Variants in CASP10 observed in about 807,000 individuals in gnomAD.
The protein encoded by CASP10 is caspase-10.
A neutral mutation model predicts 48.5 loss-of-function variants in CASP10; 41 were observed. The observed-to-expected ratio is 0.85, with a 90% CI of 0.66 to 1.10. CASP10 has a LOEUF of 1.10. Ranked by LOEUF, CASP10 falls within the 50% of genes least tolerant of loss-of-function variation. The pLI is 0.00. For missense variants in CASP10, 614 were observed against 614.5 expected (o/e 1.00, Z 0.01); for synonymous variants, 232 against 238.4 (o/e 0.97, Z 0.25).
intron 8 of CASP10, among the ~76,000 whole-genome samples, chr2:201,208,856 T>A (rs1223721253): frequency 6.6e-6 from 1 of 152,066 alleles, no homozygotes; most frequent in Non-Finnish European, 1.5e-5. Flanking sequence ...TTTTTGTATT[T>A]TCAGTAGAGA....
chr2:201,183,997 G>A (rs1318461890), intron 1 of CASP10, among the ~76,000 whole-genome samples: 1 of 151,766 alleles, frequency 6.6e-6, no homozygotes, highest in Non-Finnish European at 1.5e-5. Context: ...CCAGGTTCAA[G>A]CAATCCTCCC....
At chr2:201,208,313 C>T in intron 8 of CASP10, 130 bp downstream of exon 8, 1 of 1,425,634 alleles carries the variant, frequency 7.0e-7, no homozygotes, top group South Asian at 1.5e-5. Context: ...TTCTGAGCCT[C>T]TTATATATCC....
chr2:201,200,443 G>C (rs1353101634), intron 5 of CASP10: 1 of 1,598,212 alleles, frequency 6.3e-7, no homozygotes, highest in East Asian at 2.2e-5. Flanking sequence ...TTCTCCCCAG[G>C]AAGGTGTTTT....
At position 201,218,979 on chromosome 2, in the gene CASP10, T is replaced by G. The variant is rs1409003925; in HGVS notation, c.*1238T>G. 5.1e-6 allele frequency: 5 copies of G among 985,304 alleles called. No individual in the cohort carries two copies. In the Admixed American group the frequency reaches 3.1e-4, roughly 61 times the overall value. 61.0% of individuals were successfully genotyped at this position (985,304 alleles called of 1,614,324 possible). A position where few individuals can be genotyped will look rare whatever the true frequency, so the allele number is the denominator to read the frequency against. ...GAAACTTTACAACCTGATGTCATAT[T>G]CCATTTTGGACTGGGTGCGGTGACT... On this transcript the variant is annotated 3_prime_UTR_variant, in exon 10 of 10. Transcript: ENST00000286186.
At chr2:201,194,177 C>T (rs1249977443) in intron 4 of CASP10, among the ~76,000 whole-genome samples, 1 of 151,916 alleles carries the variant, frequency 6.6e-6, no homozygotes, top group African/African-American at 2.4e-5. Context: ...CAGATAGAAG[C>T]ACAGGGCAAA....
At chr2:201,206,338 T>A (rs1276199055) in intron 7 of CASP10, 4 of 189,422 alleles carry the variant, frequency 2.1e-5, no homozygotes, top group Non-Finnish European at 4.4e-5. Context: ...TGATTTTAGC[T>A]GCCCAGAGGC....
intron 9 of CASP10, among the ~76,000 whole-genome samples, chr2:201,216,158 A>T (rs974440596): frequency 1.3e-5 from 2 of 149,796 alleles, no homozygotes; most frequent in African/African-American, 4.9e-5. Flanking sequence ...TTATTTAATA[A>T]TTTTATTATT....
chr2:201,208,410 G>A (rs1945281047), intron 8 of CASP10: 1 of 983,322 alleles, frequency 1.0e-6, no homozygotes, highest in Non-Finnish European at 1.2e-6. Context: ...CTGGGGGAGA[G>A]CCTGCTGGAT....
chr2:201,200,575 G>C (rs1169730197), intron 5 of CASP10: 7 of 1,579,518 alleles, frequency 4.4e-6, no homozygotes, highest in Non-Finnish European at 6.0e-6. Flanking sequence ...ATGACACAGA[G>C]CCGGGAGAGG....
At chr2:201,200,964 G>A (rs1350693801) in intron 5 of CASP10, among the ~76,000 whole-genome samples, 2 of 151,998 alleles carry the variant, frequency 1.3e-5, no homozygotes, top group African/African-American at 4.8e-5. Flanking sequence ...AACATTTATG[G>A]GCCAACTCCC....
chr2:201,203,874 A>G (rs1945113310), intron 6 of CASP10, 108 bp downstream of exon 6: 7 of 885,866 alleles, frequency 7.9e-6, no homozygotes, highest in Non-Finnish European at 1.1e-5. Context: ...AGCTTTATAA[A>G]TAATGAATAA....
chr2:201,218,891 G>T lies in CASP10; in HGVS notation c.*1150G>T. 1 of 985,408 alleles carries T rather than the reference G, an allele frequency of 1.0e-6. No individual in the cohort carries two copies. Among genetic ancestry groups the T allele is most frequent in the Non-Finnish European group, 1.2e-6 (1 of 829,940 alleles). The allele number at this position is 985,408 out of a possible 1,614,324, so 61.0% of individuals were successfully genotyped here. On this transcript the variant is annotated 3_prime_UTR_variant, in exon 10 of 10. Coordinates refer to ENST00000286186, the MANE Select transcript of CASP10 (RefSeq NM_032977.4). ...TGCTCACATAGGAAGTTTTTATTTG[G>T]TTAGAGACAGGTTTCCCTGTAGGAA...
chr2:201,193,070 A>G lies in CASP10; in HGVS notation c.528A>G (p.Thr176=). ...NLTCLEDLCK[T]VVPKLLRNIE... is the part of the protein sequence containing the mutation. ...CATGCCTGGAGGACCTCTGCAAAAC[A>G]GTTGTACCTAAACTTTTGAGAAACA... The change falls in exon 4 of 10, where the codon ACA becomes ACG. Residue 176 remains threonine (T), a synonymous_variant. Coordinates refer to ENST00000286186, the MANE Select transcript of CASP10 (RefSeq NM_032977.4). The G allele has an allele frequency of 6.2e-7, 1 of 1,613,992 alleles. No individual in the cohort carries two copies. Among genetic ancestry groups the G allele is most frequent in the Non-Finnish European group, 8.5e-7 (1 of 1,179,872 alleles).
At chr2:201,206,016 T>G in intron 7 of CASP10, 43 bp downstream of exon 7, 1 of 1,316,966 alleles carries the variant, frequency 7.6e-7, no homozygotes, top group South Asian at 1.2e-5. Context: ...AAAAAAATTT[T>G]TTTTCCAAAT....
chr2:201,223,214 G>T (rs775945018), downstream of CASP10, among the ~76,000 whole-genome samples: 1 of 152,170 alleles, frequency 6.6e-6, no homozygotes, highest in Admixed American at 6.5e-5. Context: ...GTGGATGGGC[G>T]TCTGTAGCTG....
chr2:201,210,251 T>C (rs1945351684), intron 9 of CASP10, among the ~76,000 whole-genome samples: 1 of 152,208 alleles, frequency 6.6e-6, no homozygotes, highest in Non-Finnish European at 1.5e-5. Context: ...CCTTTAGCCA[T>C]ACCTAGAGGC....
chr2:201,214,930 A>G (rs1178308756), intron 9 of CASP10: 2 of 152,176 alleles, frequency 1.3e-5, no homozygotes, highest in East Asian at 3.8e-4. Flanking sequence ...CTAATATGAT[A>G]CTTATGTAAA....
At chr2:201,225,341 C>T (rs1945774316), downstream of CASP10, among the ~76,000 whole-genome samples, 1 of 152,198 alleles carries the variant, frequency 6.6e-6, no homozygotes, top group Admixed American at 6.5e-5. Context: ...AATCCTTGTC[C>T]TCCAAATTTG....
chr2:201,183,892 A>G (rs974010480), intron 1 of CASP10, among the ~76,000 whole-genome samples: 3 of 149,414 alleles, frequency 2.0e-5, no homozygotes, highest in Admixed American at 2.0e-4. Context: ...TTATTTATCT[A>G]TTTATTTATT....
Sources: allele counts gnomAD v4.1 joint callset (sites outside exome capture counted in the v4.1 genomes callset), GRCh38; gene constraint gnomAD v4.1.1; transcripts MANE v1.5; gene names NCBI Gene and HGNC (gene_info 2026-07-23, HGNC 2026-07-21).